Variants in AKAP7 observed in about 807,000 individuals in gnomAD.
AKAP7 encodes A kinase (PRKA) anchor protein 7.
AKAP7 carries 39 observed loss-of-function variants against 39.5 expected under a neutral mutation model. That is an observed-to-expected ratio of 0.99 (90% CI 0.76 to 1.29). The LOEUF (loss-of-function observed/expected upper bound fraction) is 1.29. Ranked by LOEUF, AKAP7 falls within the 50% of genes most tolerant of loss-of-function variation. The probability of loss-of-function intolerance (pLI) is 0.00; values close to 1 mark genes in which losing one functional copy is unlikely to be tolerated. For synonymous variants in AKAP7, 140 were observed against 139.1 expected, an observed-to-expected ratio of 1.01 and a Z score of -0.05; for missense variants, 414 against 407.7, an observed-to-expected ratio of 1.02 and a Z score of -0.13.
intron 7 of AKAP7, among the ~76,000 whole-genome samples, chr6:131,225,645 G>A (rs1267815252): frequency 2.6e-5 from 4 of 151,836 alleles, no homozygotes; most frequent in Non-Finnish European, 5.9e-5. Flanking sequence ...ATATATATTC[G>A]TTCATATTTT....
chr6:131,263,500 A>G (rs1348144814), intron 7 of AKAP7, among the ~76,000 whole-genome samples: 3 of 152,222 alleles, frequency 2.0e-5, no homozygotes, highest in Non-Finnish European at 2.9e-5. Context: ...GTGAGGCAGT[A>G]TACACATTGA....
intron 6 of AKAP7, among the ~76,000 whole-genome samples, chr6:131,201,329 A>T (rs963789604): frequency 6.6e-6 from 1 of 152,212 alleles, no homozygotes; most frequent in Non-Finnish European, 1.5e-5. Context: ...GGTGCTGGGC[A>T]CAGAGTGGTG....
intron 1 of AKAP7, chr6:131,136,808 T>C: frequency 1.0e-6 from 1 of 974,376 alleles, no homozygotes. Flanking sequence ...AAGTAACTTG[T>C]TGATTTCTAC....
intron 7 of AKAP7, among the ~76,000 whole-genome samples, chr6:131,266,708 GTTT>G (rs963580370): frequency 2.0e-5 from 3 of 150,228 alleles, no homozygotes; most frequent in African/African-American, 7.4e-5. Context: ...TGTTGTTGTT[GTTT>G]TTTAACGGTG....
At chr6:131,208,179 A>T (rs987136803) in intron 6 of AKAP7, among the ~76,000 whole-genome samples, 6 of 152,242 alleles carry the variant, frequency 3.9e-5, no homozygotes, top group African/African-American at 1.4e-4. Flanking sequence ...CACTATTTAT[A>T]ACAAGTGCCT....
intron 2 of AKAP7, among the ~76,000 whole-genome samples, chr6:131,156,860 C>T (rs1307641627): frequency 4.0e-5 from 6 of 151,758 alleles, no homozygotes; most frequent in Non-Finnish European, 7.4e-5. Context: ...CTGCAAGCTC[C>T]GCCTCCCGGG....
chr6:131,212,724 G>T (rs751429765), intron 6 of AKAP7, among the ~76,000 whole-genome samples: 25 of 152,168 alleles, frequency 1.6e-4, no homozygotes, highest in Non-Finnish European at 2.8e-4. Flanking sequence ...GTTAGGTTAA[G>T]TAAGGTATCC....
chr6:131,235,053 C>G (rs1810928350), intron 7 of AKAP7, among the ~76,000 whole-genome samples: 1 of 152,086 alleles, frequency 6.6e-6, no homozygotes. Flanking sequence ...CTATCCCTCC[C>G]CCACTCCTCC....
chr6:131,185,685 G>T (rs1186516279), intron 5 of AKAP7, among the ~76,000 whole-genome samples: 1 of 152,162 alleles, frequency 6.6e-6, no homozygotes, highest in Non-Finnish European at 1.5e-5. Flanking sequence ...GTCTTTTGTT[G>T]TTGATTTGAA....
At chr6:131,129,374 A>C in the AKAP7 span, among the ~76,000 whole-genome samples, 1 of 152,102 alleles carries the variant, frequency 6.6e-6, no homozygotes, top group Admixed American at 6.6e-5. Flanking sequence ...ATATCTTGTA[A>C]AAGACAAAAG....
intron 7 of AKAP7, among the ~76,000 whole-genome samples, chr6:131,280,265 C>G (rs1815096006): frequency 6.6e-6 from 1 of 152,118 alleles, no homozygotes; most frequent in Admixed American, 6.5e-5. Context: ...AGGGTTCCCA[C>G]TATTAGTGTT....
intron 7 of AKAP7, among the ~76,000 whole-genome samples, chr6:131,267,644 A>T (rs1813920832): frequency 6.6e-6 from 1 of 152,182 alleles, no homozygotes; most frequent in African/African-American, 2.4e-5. Context: ...TTGCTGCTAT[A>T]AAACAAGCCA....
At chr6:131,127,063 T>A in the AKAP7 span, among the ~76,000 whole-genome samples, 1 of 152,010 alleles carries the variant, frequency 6.6e-6, no homozygotes, top group Admixed American at 6.6e-5. Context: ...TTTGTTTTTT[T>A]GAGACAGAGT....
chr6:131,151,341 C>A (rs1330331383), intron 2 of AKAP7, among the ~76,000 whole-genome samples: 1 of 151,016 alleles, frequency 6.6e-6, no homozygotes, highest in African/African-American at 2.4e-5. Flanking sequence ...CTGCACCCAG[C>A]ACATAATCCT....
chr6:131,241,573 ATATATG>A (rs1358858892), intron 7 of AKAP7, among the ~76,000 whole-genome samples: 1 of 71,236 alleles, frequency 1.4e-5, no homozygotes, highest in African/African-American at 6.0e-5. Context: ...CATAGATTAT[ATATATG>A]TGTGTGTGTG....
At chr6:131,224,469 G>A (rs1163944763) in intron 7 of AKAP7, among the ~76,000 whole-genome samples, 1 of 151,868 alleles carries the variant, frequency 6.6e-6, no homozygotes, top group African/African-American at 2.4e-5. Flanking sequence ...ATAGAAATTG[G>A]GCCTCAGGGA....
chr6:131,139,952 G>C (rs1272392510), intron 1 of AKAP7, among the ~76,000 whole-genome samples: 1 of 152,188 alleles, frequency 6.6e-6, no homozygotes. Flanking sequence ...GAAGCACTAG[G>C]TGCCTAGAAG....
intron 7 of AKAP7, among the ~76,000 whole-genome samples, chr6:131,264,159 G>A (rs13195700): frequency 0.28 from 43,241 of 152,114 alleles, 6,628 homozygotes; most frequent in Middle Eastern, 0.39. Flanking sequence ...GAAAGTATGT[G>A]TTGATTGTAC....
At chr6:131,179,858 G>T (rs1330834376) in intron 5 of AKAP7, among the ~76,000 whole-genome samples, 1 of 150,600 alleles carries the variant, frequency 6.6e-6, no homozygotes, top group Non-Finnish European at 1.5e-5. Context: ...GACAGAAAAA[G>T]ACCCTGTCTC....
Sources: allele counts gnomAD v4.1 joint callset (sites outside exome capture counted in the v4.1 genomes callset), GRCh38; gene constraint gnomAD v4.1.1; transcripts MANE v1.5; gene names NCBI Gene and HGNC (gene_info 2026-07-23, HGNC 2026-07-21).